PDE3B: variants seen among roughly 807,000 people sequenced by gnomAD.
PDE3B encodes cGMP-inhibited 3',5'-cyclic phosphodiesterase 3B.
Under a neutral mutation model 116.8 loss-of-function variants are expected in PDE3B, and 66 were observed. The ratio of observed to expected loss-of-function variants is 0.56; its 90% CI spans 0.46 to 0.69. The LOEUF is 0.69. PDE3B is among the 30% of genes least tolerant of loss of function. The probability of loss-of-function intolerance (pLI) is 0.00; values close to 1 mark genes in which losing one functional copy is unlikely to be tolerated. For synonymous variants in PDE3B, 595 were observed against 533.6 expected, an observed-to-expected ratio of 1.12 and a Z score of -1.59; for missense variants, 1,384 against 1,368.1, an observed-to-expected ratio of 1.01 and a Z score of -0.18.
the PDE3B span, chr11:14,887,702 T>C: frequency 1.1e-5 from 10 of 931,558 alleles, no homozygotes; most frequent in Non-Finnish European, 1.3e-5. Context: ...TTTTTCACTC[T>C]CCCAGTTAAT....
At chr11:14,794,279 A>G (rs1195410049) in intron 4 of PDE3B, among the ~76,000 whole-genome samples, 3 of 152,020 alleles carry the variant, frequency 2.0e-5, no homozygotes, top group African/African-American at 7.2e-5. Context: ...TAGTAGACAT[A>G]AGCTAGGTGT....
At chr11:14,664,876 C>T (rs188901585) in intron 1 of PDE3B, among the ~76,000 whole-genome samples, 3 of 152,078 alleles carry the variant, frequency 2.0e-5, no homozygotes, top group Non-Finnish European at 4.4e-5. Flanking sequence ...GAAACTATTC[C>T]AATCAATAGA....
intron 1 of PDE3B, among the ~76,000 whole-genome samples, chr11:14,703,238 T>G (rs562536006): frequency 6.6e-6 from 1 of 151,990 alleles, no homozygotes; most frequent in East Asian, 1.9e-4. Context: ...TTCTTATTCT[T>G]GTCCTTTACC....
At chr11:14,839,829 A>T (rs913665929) in intron 11 of PDE3B, among the ~76,000 whole-genome samples, 2 of 152,222 alleles carry the variant, frequency 1.3e-5, no homozygotes, top group African/African-American at 4.8e-5. Context: ...GATATCCTAG[A>T]TGCCTTCATA....
chr11:14,670,032 A>G (rs1055667398), intron 1 of PDE3B, among the ~76,000 whole-genome samples: 1 of 152,184 alleles, frequency 6.6e-6, no homozygotes, highest in African/African-American at 2.4e-5. Context: ...CTTCATCATT[A>G]GGTGGGAGAT....
chr11:14,880,869 C>A, the PDE3B span: 1 of 1,106,750 alleles, frequency 9.0e-7, no homozygotes, highest in Non-Finnish European at 1.3e-6. Flanking sequence ...CATCCTTCTC[C>A]AAATTGTCCT....
At chr11:14,889,758 T>G in the PDE3B span, among the ~76,000 whole-genome samples, 7 of 152,230 alleles carry the variant, frequency 4.6e-5, no homozygotes, top group African/African-American at 1.7e-4. Context: ...CCTTTTTCTG[T>G]GAGAAACCAT....
intron 5 of PDE3B, among the ~76,000 whole-genome samples, chr11:14,806,531 A>T (rs548502014): frequency 6.6e-6 from 1 of 151,944 alleles, no homozygotes; most frequent in South Asian, 2.1e-4. Flanking sequence ...AAGACTTGGA[A>T]CCAACCCAAA....
At chr11:14,819,328 A>AT in intron 7 of PDE3B, 119 bp downstream of exon 7, 1 of 618,902 alleles carries the variant, frequency 1.6e-6, no homozygotes, top group Non-Finnish European at 2.9e-6. Context: ...GAAGATTATT[A>AT]TTTTTTACCC....
intron 2 of PDE3B, among the ~76,000 whole-genome samples, chr11:14,783,281 A>T (rs1282988873): frequency 6.6e-6 from 1 of 152,232 alleles, no homozygotes; most frequent in Non-Finnish European, 1.5e-5. Flanking sequence ...AGGATGATAA[A>T]TCATGCTGCT....
chr11:14,761,943 C>G (rs1248923354), intron 1 of PDE3B, among the ~76,000 whole-genome samples: 1 of 152,000 alleles, frequency 6.6e-6, no homozygotes, highest in Non-Finnish European at 1.5e-5. Flanking sequence ...TAATTAAAGT[C>G]TACTCTGATG....
chr11:14,811,673 T>G (rs945660330), intron 5 of PDE3B, among the ~76,000 whole-genome samples: 19 of 152,016 alleles, frequency 1.2e-4, no homozygotes, highest in East Asian at 5.8e-4. Flanking sequence ...TCCAATTCTG[T>G]GAAGAAAGTC....
chr11:14,735,199 G>C (rs997806425), intron 1 of PDE3B, among the ~76,000 whole-genome samples: 3 of 152,098 alleles, frequency 2.0e-5, no homozygotes, highest in African/African-American at 7.2e-5. Context: ...CTGGCTTGAA[G>C]GAAGATGAAA....
At chr11:14,674,711 T>C (rs1330052824) in intron 1 of PDE3B, among the ~76,000 whole-genome samples, 1 of 152,208 alleles carries the variant, frequency 6.6e-6, no homozygotes, top group Non-Finnish European at 1.5e-5. Context: ...CTTCTTACCC[T>C]CATAGGAAAA....
intron 13 of PDE3B, among the ~76,000 whole-genome samples, chr11:14,860,150 T>C (rs1325849126): frequency 6.6e-6 from 1 of 152,212 alleles, no homozygotes; most frequent in Non-Finnish European, 1.5e-5. Context: ...AGTTGTATAG[T>C]CTTATTCACT....
chr11:14,843,054 CCTT>C (rs1252581447), intron 11 of PDE3B, among the ~76,000 whole-genome samples: 1 of 152,034 alleles, frequency 6.6e-6, no homozygotes, highest in Non-Finnish European at 1.5e-5. Flanking sequence ...GTTTCTTTTT[CCTT>C]CTTATACTTT....
At chr11:14,768,134 C>T (rs894204166) in intron 1 of PDE3B, among the ~76,000 whole-genome samples, 4 of 151,434 alleles carry the variant, frequency 2.6e-5, no homozygotes, top group Non-Finnish European at 4.4e-5. Flanking sequence ...CTTGCCTTTA[C>T]AGCACAGTTT....
chr11:14,869,509 A>T lies in PDE3B; in HGVS notation c.3188A>T (p.His1063Leu). Residue 1063 changes from histidine to leucine, a missense_variant, in exon 16 of 16, where the codon CAC (histidine) becomes CTC (leucine). By Grantham distance (99) the His-to-Leu change is moderately conservative. Transcript: ENST00000282096. ...SRRRIFCQLM[H>L]HLTENHKIWK... ...CGGCGAATATTTTGTCAGCTAATGC[A>T]CCACCTCACTGAAAACCACAAGATA... The T allele has an allele frequency of 1.2e-6, 2 of 1,613,924 alleles. No individual in the cohort carries two copies. Among genetic ancestry groups the T allele is most frequent in the African/African-American group, 2.7e-5 (2 of 74,980 alleles).
chr11:14,814,446 A>T (rs1177860247), intron 5 of PDE3B, among the ~76,000 whole-genome samples: 1 of 152,174 alleles, frequency 6.6e-6, no homozygotes, highest in Non-Finnish European at 1.5e-5. Context: ...ATATTACTCT[A>T]TACTATCAGA....
Sources: gnomAD v4.1 joint callset for allele counts (sites outside exome capture counted in the v4.1 genomes callset) on GRCh38, gnomAD v4.1.1 for gene constraint, MANE v1.5 for transcripts, NCBI Gene and HGNC (gene_info 2026-07-23, HGNC 2026-07-21) for gene names.